Variants in PDIK1L observed in about 807,000 individuals in gnomAD.
The protein encoded by PDIK1L is PDLIM1 interacting kinase 1 like, also known as serine/threonine-protein kinase PDIK1L.
A neutral mutation model predicts 27.1 loss-of-function variants in PDIK1L; 9 were observed. The ratio of observed to expected loss-of-function variants is 0.33; its 90% CI spans 0.20 to 0.58. The LOEUF (loss-of-function observed/expected upper bound fraction) is 0.58, where lower values mean the gene tolerates loss of function less well. Ranked by LOEUF, PDIK1L falls within the 20% of genes least tolerant of loss-of-function variation. The pLI, the probability that PDIK1L is intolerant of heterozygous loss-of-function variation, is 0.86. For synonymous variants in PDIK1L, 130 were observed against 141.7 expected (o/e 0.92, Z 0.59); for missense variants, 216 against 413.2 (o/e 0.52, Z 4.14).
chr1:26,125,328 A>G lies in PDIK1L; in HGVS notation c.*2751A>G, dbSNP rs528235265. ...TTGTTTTTAATTGTAAATTGTTATC[A>G]ATCAAACTATTGTAGCAGCTACAAA... On this transcript the variant is annotated 3_prime_UTR_variant, in exon 3 of 3. Coordinates refer to ENST00000374269, the MANE Select transcript of PDIK1L (RefSeq NM_152835.5). The G allele has an allele frequency of 2.0e-4, 31 of 152,740 alleles. No homozygotes were observed. The highest frequency in any genetic ancestry group is 7.2e-4 in the African/African-American group (30 of 41,570). 9.5% of individuals were successfully genotyped at this position (152,740 alleles called of 1,614,324 possible). A position where few individuals can be genotyped will look rare whatever the true frequency, so the allele number is the denominator to read the frequency against.
intron 2 of PDIK1L, among the ~76,000 whole-genome samples, chr1:26,120,116 C>T (rs1047449570): frequency 3.3e-5 from 5 of 152,080 alleles, no homozygotes; most frequent in Non-Finnish European, 7.4e-5. Flanking sequence ...GGCCTGTTTT[C>T]GTATGGTTTC....
At chr1:26,121,331 G>C (rs2087983722) in intron 2 of PDIK1L, among the ~76,000 whole-genome samples, 1 of 152,194 alleles carries the variant, frequency 6.6e-6, no homozygotes, top group Non-Finnish European at 1.5e-5. Context: ...AGCTATTTCT[G>C]CAACAGCTGG....
intron 2 of PDIK1L, among the ~76,000 whole-genome samples, chr1:26,116,496 CA>C (rs1206129658): frequency 2.0e-5 from 3 of 152,194 alleles, no homozygotes; most frequent in Admixed American, 6.5e-5. Flanking sequence ...GCCTGGGTGA[CA>C]GCGAGATTCT....
chr1:26,113,498 TAAAAAAAAA>T (rs67443362), intron 1 of PDIK1L, among the ~76,000 whole-genome samples: 12 of 91,062 alleles, frequency 1.3e-4, no homozygotes, highest in Admixed American at 1.2e-3. Flanking sequence ...AGACTCCGTC[TAAAAAAAAA>T]AAAAAAAAAA....
At position 26,123,614 on chromosome 1, in the gene PDIK1L, C is replaced by CT. The variant is rs1384828712; in HGVS notation, c.*1039dup. ...CACTTTGCCTGCCCTGATATGATCA[C>CT]TTGTTGAGTCACTGGAGTTCCTTTC... On this transcript the variant is annotated 3_prime_UTR_variant, in exon 3 of 3. Coordinates refer to ENST00000374269, the MANE Select transcript of PDIK1L (RefSeq NM_152835.5). 6.6e-6 allele frequency: 1 copy of CT among 152,584 alleles called. No homozygotes were observed. Among genetic ancestry groups the CT allele is most frequent in the East Asian group, 1.9e-4 (1 of 5,200 alleles). The allele number at this position is 152,584 out of a possible 1,614,324, so 9.5% of individuals were successfully genotyped here. A position where few individuals can be genotyped will look rare whatever the true frequency, so the allele number is the denominator to read the frequency against.
At chr1:26,115,757 G>A (rs571099401) in intron 2 of PDIK1L, among the ~76,000 whole-genome samples, 4 of 151,468 alleles carry the variant, frequency 2.6e-5, no homozygotes, top group Admixed American at 2.6e-4. Flanking sequence ...AGCCGAGATC[G>A]CGCCACTGCA....
In PDIK1L at chr1:26,114,718, G is replaced by A; in HGVS notation, c.285+125G>A. 1.9e-6 allele frequency: 2 copies of A among 1,074,806 alleles called. No individual in the cohort carries two copies. Among genetic ancestry groups the A allele is most frequent in the Non-Finnish European group, 1.3e-6 (1 of 753,678 alleles). The allele number at this position is 1,074,806 out of a possible 1,614,324, so 66.6% of individuals were successfully genotyped here. A position where few individuals can be genotyped will look rare whatever the true frequency, so the allele number is the denominator to read the frequency against. On this transcript the variant is annotated intron_variant, in intron 2 of 2. Coordinates refer to ENST00000374269, the MANE Select transcript of PDIK1L (RefSeq NM_152835.5). The surrounding 1 kb of genome is among the most constrained non-coding windows in gnomAD (Gnocchi z 4.8). ...GGTGTTTGTAGTTAGAAGTAGATAA[G>A]TGTCTGCCAAGAATTGAGTAGATGT...
At chr1:26,111,778 T>G (rs1212325269), upstream of PDIK1L, 4 of 149,718 alleles carry the variant, frequency 2.7e-5, no homozygotes, top group East Asian at 2.0e-4. This position sits in a 1 kb window ranked among gnomAD's most constrained non-coding sequence, Gnocchi z 4.0. Context: ...GCCGTCGGCG[T>G]AAGGGGGTGT....
Position 26,123,711 on chromosome 1 carries a change from G to A in PDIK1L, c.*1134G>A, listed in dbSNP as rs139123768. ...TGGTAATAATATGGTTGTTGAAAAT[G>A]TGATCACCTTTATCTAAAGTGGGAG... On this transcript the variant is annotated 3_prime_UTR_variant, in exon 3 of 3. Transcript: ENST00000374269. The A allele has an allele frequency of 3.3e-5, 5 of 152,678 alleles. No homozygotes were observed. The East Asian group carries it at 9.6e-4, about 29-fold the overall frequency. The allele number at this position is 152,678 out of a possible 1,614,324, so 9.5% of individuals were successfully genotyped here. A position where few individuals can be genotyped will look rare whatever the true frequency, so the allele number is the denominator to read the frequency against.
intron 1 of PDIK1L, among the ~76,000 whole-genome samples, chr1:26,113,023 G>A (rs1385710802): frequency 1.3e-5 from 2 of 152,204 alleles, no homozygotes; most frequent in Non-Finnish European, 2.9e-5. Context: ...AGAGCCCCTT[G>A]ATATGCAGGA....
chr1:26,122,093 A>C lies in PDIK1L; in HGVS notation c.542A>C (p.Asp181Ala). 3 of 1,614,096 alleles carry C rather than the reference A, an allele frequency of 1.9e-6. No individual in the cohort carries two copies. Among genetic ancestry groups the C allele is most frequent in the Non-Finnish European group, 2.5e-6 (3 of 1,180,026 alleles). ...LISQTRLDTS[D>A]LEPTLKVADF... ...TCTCAAACCAGGTTGGATACCAGTG[A>C]CTTGGAACCTACCCTCAAAGTGGCT... is the stretch of plus-strand genomic sequence containing the variant. The change falls in exon 3 of 3, where the codon GAC (aspartate) becomes GCC (alanine). Residue 181 changes from aspartate to alanine, a missense_variant. Asp to Ala is a moderately radical substitution (Grantham distance 126). This residue lies in a region of PDIK1L where 169 missense variants were observed against 366.0 expected (regional missense o/e 0.46). Coordinates refer to ENST00000374269, the MANE Select transcript of PDIK1L (RefSeq NM_152835.5). This position sits in a 1 kb window ranked among gnomAD's most constrained non-coding sequence, Gnocchi z 5.4.
intron 2 of PDIK1L, among the ~76,000 whole-genome samples, chr1:26,119,422 T>A (rs1230181202): frequency 6.0e-5 from 9 of 150,024 alleles, no homozygotes; most frequent in Non-Finnish European, 7.4e-5. Context: ...TCTCTCTCTC[T>A]CTCACACACA....
At chr1:26,119,164 T>A (rs529110361) in intron 2 of PDIK1L, among the ~76,000 whole-genome samples, 25 of 152,308 alleles carry the variant, frequency 1.6e-4, no homozygotes, top group African/African-American at 6.0e-4. Context: ...TCCCAGCACT[T>A]TGGGAGGCTG....
At position 26,113,228 on chromosome 1, in the gene PDIK1L, G is replaced by A. The variant is rs372223541; in HGVS notation, c.-17-1064G>A. Among the ~76,000 whole-genome samples the A allele has an allele frequency of 4.6e-5, 7 of 152,250 alleles. No individual in the cohort carries two copies. The South Asian group carries it at 1.2e-3, about 27-fold the overall frequency. On this transcript the variant is annotated intron_variant, in intron 1 of 2. Transcript: ENST00000374269. The stretch of plus-strand genomic sequence containing the variant: ...TTTCTGGCCGGGCGCGGTGGCTCAC[G>A]CCCGTAATCCCAGCACTTTGGGAGG...
At chr1:26,112,474 C>T (rs1051542242) in intron 1 of PDIK1L, 3 of 152,316 alleles carry the variant, frequency 2.0e-5, no homozygotes, top group African/African-American at 7.2e-5. Context: ...GTGCTCTTCC[C>T]CATGGGGACT....
In PDIK1L at chr1:26,125,347, C is replaced by G. The variant is rs565331987; in HGVS notation, c.*2770C>G. The G allele has an allele frequency of 3.9e-5, 6 of 152,602 alleles. No homozygotes were observed. Among genetic ancestry groups the G allele is most frequent in the African/African-American group, 1.4e-4 (6 of 41,520 alleles). The allele number at this position is 152,602 out of a possible 1,614,324, so 9.5% of individuals were successfully genotyped here. On this transcript the variant is annotated 3_prime_UTR_variant, in exon 3 of 3. Transcript: ENST00000374269. ...GTTATCAATCAAACTATTGTAGCAG[C>G]TACAAAGTAATTCACCAGCATGACA...
intron 2 of PDIK1L, among the ~76,000 whole-genome samples, chr1:26,117,690 C>G (rs1166266672): frequency 6.6e-6 from 1 of 152,084 alleles, no homozygotes; most frequent in African/African-American, 2.4e-5. Flanking sequence ...TTGCAGTGAG[C>G]CAAGATCATG....
chr1:26,119,419 C>G (rs1039712110), intron 2 of PDIK1L, among the ~76,000 whole-genome samples: 2 of 151,876 alleles, frequency 1.3e-5, no homozygotes, highest in Non-Finnish European at 2.9e-5. Flanking sequence ...CTCTCTCTCT[C>G]TCTCTCACAC....
intron 2 of PDIK1L, 27 bp from the exon 3 acceptor site, chr1:26,121,810 T>A (rs1275900560): frequency 1.9e-6 from 3 of 1,577,710 alleles, no homozygotes; most frequent in Non-Finnish European, 2.6e-6. Context: ...TGCAAATGAT[T>A]GTAATCTTTT....
Sources: gnomAD v4.1 joint callset for allele counts (sites outside exome capture counted in the v4.1 genomes callset) on GRCh38, gnomAD v4.1.1 for gene constraint, gnomAD v4.1.1 regional missense constraint, Gnocchi (gnomAD v3.1) non-coding constraint, MANE v1.5 for transcripts, NCBI Gene and HGNC (gene_info 2026-07-23, HGNC 2026-07-21) for gene names.